The following CALCRL variants were observed in gnomAD, a reference collection of about 807,000 sequenced individuals.
The protein encoded by CALCRL is calcitonin receptor like receptor.
In CALCRL, 27 loss-of-function variants were observed where a neutral mutation model predicts 60.4. The ratio of observed to expected loss-of-function variants is 0.45; its 90% CI spans 0.33 to 0.62. The LOEUF (loss-of-function observed/expected upper bound fraction) is 0.62, where lower values mean the gene tolerates loss of function less well. CALCRL is among the 20% of genes least tolerant of loss of function. The pLI is 0.03. For missense variants in CALCRL, 424 were observed against 540.7 expected (o/e 0.78, Z 2.14); for synonymous variants, 190 against 182.6 (o/e 1.04, Z -0.33).
intron 9 of CALCRL, among the ~76,000 whole-genome samples, chr2:187,362,958 CAG>C (rs1041731932): frequency 6.6e-6 from 1 of 152,026 alleles, no homozygotes; most frequent in African/African-American, 2.4e-5. Context: ...TCGAATTACG[CAG>C]AGTTCATTGC....
Position 187,435,090 on chromosome 2 carries a change from T to C in CALCRL, c.-293+12949A>G, listed in dbSNP as rs146644746. The stretch of plus-strand genomic sequence containing the variant: ...AGTTTATTTATTTAAACAGTATATG[T>C]GTATGTGTTAATGTCCTTGTTTTGC... On this transcript the variant is annotated intron_variant, in intron 1 of 14. Coordinates refer to ENST00000392370, the MANE Select transcript of CALCRL (RefSeq NM_005795.6). Among the ~76,000 whole-genome samples, 682 of 152,270 alleles carry C rather than the reference T, an allele frequency of 4.5e-3. 5 individuals carry two copies. The highest frequency in any genetic ancestry group is 0.016 in the African/African-American group (650 of 41,558).
chr2:187,415,665 C>G, intron 1 of CALCRL: 1 of 616,182 alleles, frequency 1.6e-6, no homozygotes, highest in South Asian at 1.6e-5. Context: ...ACATTCTGGG[C>G]TACACTGAGC....
In CALCRL at chr2:187,344,222, A is replaced by T. The variant is rs1177821609; in HGVS notation, c.*1962T>A. 1.3e-5 allele frequency: 2 copies of T among 151,716 alleles called. No individual in the cohort carries two copies. The highest frequency in any genetic ancestry group is 3.0e-5 in the Non-Finnish European group (2 of 67,710). The allele number at this position is 151,716 out of a possible 1,614,324, so 9.4% of individuals were successfully genotyped here. On this transcript the variant is annotated 3_prime_UTR_variant, in exon 15 of 15. Transcript: ENST00000392370. Reference sequence around the variant, plus strand: ...GCGTTCCTTTCTATGGCAGCTTGCTATGAAATTCATGTTTCAAACAAAACA... The same window carrying T: ...GCGTTCCTTTCTATGGCAGCTTGCTTTGAAATTCATGTTTCAAACAAAACA...
chr2:187,425,237 C>G (rs2192826), intron 1 of CALCRL, among the ~76,000 whole-genome samples: 3 of 151,772 alleles, frequency 2.0e-5, no homozygotes, highest in African/African-American at 7.3e-5. Context: ...TAAATGTTGA[C>G]AACTTATGTT....
intron 8 of CALCRL, 59 bp downstream of exon 8, chr2:187,378,881 G>T (rs1687875740): frequency 1.1e-6 from 1 of 897,358 alleles, no homozygotes; most frequent in Non-Finnish European, 1.8e-6. Context: ...ATATGCACAT[G>T]ATGGGGCATT....
At chr2:187,361,335 AT>A (rs1687048709) in intron 9 of CALCRL, among the ~76,000 whole-genome samples, 1 of 152,024 alleles carries the variant, frequency 6.6e-6, no homozygotes, top group Non-Finnish European at 1.5e-5. Context: ...TGAGGTCTCC[AT>A]TTTTGCTTCT....
intron 1 of CALCRL, among the ~76,000 whole-genome samples, chr2:187,439,939 G>T (rs556626702): frequency 6.6e-6 from 1 of 152,228 alleles, no homozygotes; most frequent in Admixed American, 6.5e-5. Context: ...AAGTAAGGAA[G>T]ATTAGCATTC....
At chr2:187,394,591 C>G (rs1688584316) in intron 1 of CALCRL, among the ~76,000 whole-genome samples, 1 of 152,014 alleles carries the variant, frequency 6.6e-6, no homozygotes, top group African/African-American at 2.4e-5. Context: ...CATTCATCCT[C>G]CTGCAAGACA....
At position 187,342,153 on chromosome 2, in the gene CALCRL, A is replaced by G. The variant is rs890177028; in HGVS notation, c.*4031T>C. Among the ~76,000 whole-genome samples the G allele has an allele frequency of 3.3e-5, 5 of 151,882 alleles. No individual in the cohort carries two copies. The highest frequency in any genetic ancestry group is 6.6e-5 in the Admixed American group (1 of 15,234). On this transcript the variant is annotated 3_prime_UTR_variant, in exon 15 of 15. Transcript: ENST00000392370. ...ATTTAGTCACAAAAGGTCACATACT[A>G]TATGATTACAATCATATGAAAGTCT... is the stretch of plus-strand genomic sequence containing the variant.
At chr2:187,441,453 C>G (rs1410781140) in intron 1 of CALCRL, among the ~76,000 whole-genome samples, 1 of 151,820 alleles carries the variant, frequency 6.6e-6, no homozygotes, top group African/African-American at 2.4e-5. Flanking sequence ...TTGGAATTGT[C>G]TTTACATAAC....
chr2:187,364,192 T>C (rs1179632554), intron 8 of CALCRL, among the ~76,000 whole-genome samples: 2 of 151,996 alleles, frequency 1.3e-5, no homozygotes, highest in Non-Finnish European at 2.9e-5. Context: ...TAGAAGTAGA[T>C]TTCAAGAAAA....
At chr2:187,399,322 T>C (rs1274465341) in intron 1 of CALCRL, among the ~76,000 whole-genome samples, 1 of 151,472 alleles carries the variant, frequency 6.6e-6, no homozygotes, top group Non-Finnish European at 1.5e-5. Flanking sequence ...TAGCAGTATA[T>C]GCTCTTGGAT....
intron 1 of CALCRL, among the ~76,000 whole-genome samples, chr2:187,413,307 A>G (rs1025222055): frequency 6.6e-6 from 1 of 152,212 alleles, no homozygotes; most frequent in Non-Finnish European, 1.5e-5. Flanking sequence ...GAGGATTTCA[A>G]CAAGACTGAA....
At chr2:187,348,362 T>A (rs536497737) in intron 14 of CALCRL, among the ~76,000 whole-genome samples, 1 of 151,810 alleles carries the variant, frequency 6.6e-6, no homozygotes, top group Non-Finnish European at 1.5e-5. Flanking sequence ...CTTCTCCTAA[T>A]TTTGTTACTA....
chr2:187,367,069 T>C (rs527934667), intron 8 of CALCRL, among the ~76,000 whole-genome samples: 9 of 152,104 alleles, frequency 5.9e-5, no homozygotes, highest in African/African-American at 1.7e-4. Flanking sequence ...AGAATGAAAT[T>C]CCCTTGAAAT....
chr2:187,394,534 A>G (rs7587307), intron 1 of CALCRL, among the ~76,000 whole-genome samples: 2,896 of 152,172 alleles, frequency 0.019, 89 homozygotes, highest in African/African-American at 0.065. Flanking sequence ...CCAAAGTAGT[A>G]ACTCTGCTTC....
At chr2:187,367,475 T>A (rs1256543541) in intron 8 of CALCRL, among the ~76,000 whole-genome samples, 1 of 152,144 alleles carries the variant, frequency 6.6e-6, no homozygotes, top group Non-Finnish European at 1.5e-5. Context: ...ATGATGCATA[T>A]TGTTTCCTTC....
At chr2:187,375,474 T>A (rs1687717286) in intron 8 of CALCRL, among the ~76,000 whole-genome samples, 1 of 152,082 alleles carries the variant, frequency 6.6e-6, no homozygotes, top group Non-Finnish European at 1.5e-5. Flanking sequence ...TATGTAGAGG[T>A]CAAATTTCTT....
At chr2:187,446,948 C>A (rs1691218222) in intron 1 of CALCRL, among the ~76,000 whole-genome samples, 1 of 151,842 alleles carries the variant, frequency 6.6e-6, no homozygotes, top group Non-Finnish European at 1.5e-5. Context: ...AGTATAATTG[C>A]ATTTAGGTAA....
Sources: gnomAD v4.1 joint callset for allele counts (sites outside exome capture counted in the v4.1 genomes callset) on GRCh38, gnomAD v4.1.1 for gene constraint, MANE v1.5 for transcripts, NCBI Gene and HGNC (gene_info 2026-07-23, HGNC 2026-07-21) for gene names.